The following LUZP2 variants were observed in gnomAD, a reference collection of about 807,000 sequenced individuals.
The protein encoded by LUZP2 is leucine zipper protein 2.
Under a neutral mutation model 51.6 loss-of-function variants are expected in LUZP2, and 52 were observed. The observed-to-expected ratio is 1.01, with a 90% CI of 0.81 to 1.27. The LOEUF (loss-of-function observed/expected upper bound fraction) is 1.27, where lower values mean the gene tolerates loss of function less well. Ranked by LOEUF, LUZP2 falls within the 50% of genes most tolerant of loss-of-function variation. LUZP2 has a pLI of 0.00. For synonymous variants in LUZP2, 154 were observed against 137.3 expected (o/e 1.12, Z -0.85); for missense variants, 436 against 395.4 (o/e 1.10, Z -0.87).
chr11:24,540,684 A>G (rs1274900648), intron 1 of LUZP2, among the ~76,000 whole-genome samples: 1 of 152,080 alleles, frequency 6.6e-6, no homozygotes, highest in Non-Finnish European at 1.5e-5. Context: ...TCCTAAAATA[A>G]TTTTTACCTT....
chr11:24,956,972 C>A (rs1855229903), intron 7 of LUZP2, among the ~76,000 whole-genome samples: 1 of 152,068 alleles, frequency 6.6e-6, no homozygotes. Flanking sequence ...AAGTAATATT[C>A]CACAGAAGTC....
At chr11:24,945,809 T>G (rs914712517) in intron 7 of LUZP2, among the ~76,000 whole-genome samples, 10 of 152,010 alleles carry the variant, frequency 6.6e-5, no homozygotes, top group African/African-American at 9.7e-5. Context: ...TAAAAAACTT[T>G]TATTGAGATA....
At chr11:24,644,237 TC>T (rs140040208) in intron 1 of LUZP2, among the ~76,000 whole-genome samples, 2 of 152,254 alleles carry the variant, frequency 1.3e-5, no homozygotes, top group East Asian at 3.9e-4. Flanking sequence ...CTTGACTCTT[TC>T]TTATGTTTCT....
At chr11:24,951,319 G>A (rs757234163) in intron 7 of LUZP2, among the ~76,000 whole-genome samples, 3 of 151,446 alleles carry the variant, frequency 2.0e-5, no homozygotes, top group Non-Finnish European at 3.0e-5. Flanking sequence ...ACACTCAAAT[G>A]TCAGCACAAT....
At chr11:24,744,763 T>A (rs1859315124) in intron 4 of LUZP2, among the ~76,000 whole-genome samples, 2 of 152,026 alleles carry the variant, frequency 1.3e-5, no homozygotes, top group African/African-American at 4.8e-5. Flanking sequence ...GGGTTTGGTT[T>A]GTTCTTGTTT....
chr11:24,802,486 C>T (rs1849724093), intron 5 of LUZP2, among the ~76,000 whole-genome samples: 1 of 151,610 alleles, frequency 6.6e-6, no homozygotes, highest in African/African-American at 2.4e-5. Context: ...AAAAAATTTG[C>T]TGAAGTACAC....
At chr11:24,813,528 G>T (rs1850083733) in intron 5 of LUZP2, among the ~76,000 whole-genome samples, 1 of 152,092 alleles carries the variant, frequency 6.6e-6, no homozygotes. Flanking sequence ...GGAGTCAGGG[G>T]TGGTGCCACA....
At position 25,055,476 on chromosome 11, in the gene LUZP2, A is replaced by G. The variant is rs77986935; in HGVS notation, c.858+5346A>G. Among the ~76,000 whole-genome samples the G allele has an allele frequency of 8.2e-4, 125 of 152,224 alleles. 3 individuals are homozygous for G. The East Asian group carries it at 0.023, about 27-fold the overall frequency. On this transcript the variant is annotated intron_variant, in intron 10 of 11. Transcript: ENST00000336930. The stretch of plus-strand genomic sequence containing the variant: ...AGATTGTTAATTGCTATATATATAA[A>G]TGCAAGTAATTTTTGTATATTGATC...
intron 5 of LUZP2, among the ~76,000 whole-genome samples, chr11:24,839,929 C>T (rs898148913): frequency 2.0e-5 from 3 of 151,770 alleles, no homozygotes; most frequent in Non-Finnish European, 4.4e-5. Flanking sequence ...AATACCCTAA[C>T]ATTTCTGTAT....
intron 1 of LUZP2, among the ~76,000 whole-genome samples, chr11:24,726,342 A>C (rs1858473027): frequency 6.6e-6 from 1 of 152,126 alleles, no homozygotes; most frequent in South Asian, 2.1e-4. Flanking sequence ...GAACACCAGA[A>C]GATACTAAGA....
intron 5 of LUZP2, among the ~76,000 whole-genome samples, chr11:24,811,723 C>T (rs1850029363): frequency 6.6e-6 from 1 of 152,018 alleles, no homozygotes; most frequent in African/African-American, 2.4e-5. Context: ...AGTATGCAGC[C>T]TTCCAAGGCA....
chr11:24,877,022 T>C (rs1439569383), intron 5 of LUZP2, among the ~76,000 whole-genome samples: 5 of 152,196 alleles, frequency 3.3e-5, no homozygotes, highest in Admixed American at 2.6e-4. Context: ...TGTAACACTC[T>C]GCTATTTGGG....
At chr11:24,842,695 T>TA (rs1418213228) in intron 5 of LUZP2, among the ~76,000 whole-genome samples, 301 of 152,082 alleles carry the variant, frequency 2.0e-3, no homozygotes, top group African/African-American at 7.0e-3. Flanking sequence ...GAAGAAATAA[T>TA]AATAAAAATT....
intron 1 of LUZP2, among the ~76,000 whole-genome samples, chr11:24,610,883 T>G (rs2133886632): frequency 6.6e-6 from 1 of 152,308 alleles, no homozygotes; most frequent in South Asian, 2.1e-4. Context: ...AGGCGAAGGT[T>G]GCAGTGAGTC....
intron 1 of LUZP2, among the ~76,000 whole-genome samples, chr11:24,700,641 T>A (rs1857396029): frequency 6.6e-6 from 1 of 152,078 alleles, no homozygotes; most frequent in Non-Finnish European, 1.5e-5. Flanking sequence ...ATTGATAATG[T>A]ACCGTAATTT....
At chr11:24,590,663 T>A (rs556259696) in intron 1 of LUZP2, among the ~76,000 whole-genome samples, 2 of 152,308 alleles carry the variant, frequency 1.3e-5, no homozygotes, top group East Asian at 3.9e-4. Context: ...GTGTGTTGCC[T>A]TAATACTAAA....
chr11:24,775,497 G>T (rs11028165), intron 5 of LUZP2, among the ~76,000 whole-genome samples: 1 of 152,080 alleles, frequency 6.6e-6, no homozygotes, highest in Non-Finnish European at 1.5e-5. Context: ...TAGCTGATAC[G>T]TCAGCCAGCT....
rs190137320 is a variant in LUZP2 at position 25,058,383 on chromosome 11, A to G, written c.858+8253A>G. Among the ~76,000 whole-genome samples, 894 of 152,312 alleles carry G rather than the reference A, an allele frequency of 5.9e-3. 7 individuals are homozygous for G. Among genetic ancestry groups the G allele is most frequent in the South Asian group, 0.033 (158 of 4,828 alleles). On this transcript the variant is annotated intron_variant, in intron 10 of 11. Coordinates refer to ENST00000336930, the MANE Select transcript of LUZP2 (RefSeq NM_001009909.4). ...TTAATCTATTAATATGGTAAATGAA[A>G]ATAACCCAGTAACCGTGTTAATATA...
chr11:24,924,324 C>T (rs1211726649), intron 7 of LUZP2, among the ~76,000 whole-genome samples: 2 of 151,938 alleles, frequency 1.3e-5, no homozygotes, highest in South Asian at 2.1e-4. Flanking sequence ...GTGATCTGCC[C>T]GCCTCTGCCT....
Sources: gnomAD v4.1 joint callset for allele counts (sites outside exome capture counted in the v4.1 genomes callset) on GRCh38, gnomAD v4.1.1 for gene constraint, MANE v1.5 for transcripts, NCBI Gene and HGNC (gene_info 2026-07-23, HGNC 2026-07-21) for gene names.